The following DUXB variants were observed in gnomAD, a reference collection of about 807,000 sequenced individuals.
The protein encoded by DUXB is double homeobox protein B.
A neutral mutation model predicts 8.9 loss-of-function variants in DUXB; 22 were observed. The observed-to-expected ratio is 2.46, with a 90% CI of 1.76 to 3.52. The LOEUF (loss-of-function observed/expected upper bound fraction) is 3.52, where lower values mean the gene tolerates loss of function less well. Ranked by LOEUF, DUXB falls within the 30% of genes most tolerant of loss-of-function variation. DUXB has a pLI of 0.00. For missense variants in DUXB, 237 were observed against 108.7 expected, an observed-to-expected ratio of 2.18 and a Z score of -5.25; for synonymous variants, 84 against 37.6, an observed-to-expected ratio of 2.23 and a Z score of -4.52.
intron 2 of DUXB, among the ~76,000 whole-genome samples, chr16:75,699,158 T>C (rs184055803): frequency 6.6e-6 from 1 of 152,348 alleles, no homozygotes; most frequent in Non-Finnish European, 1.5e-5. Flanking sequence ...GGTATCTTTC[T>C]GATAACTGGA....
At chr16:75,694,894 G>A (rs2082592846) in intron 4 of DUXB, among the ~76,000 whole-genome samples, 1 of 152,172 alleles carries the variant, frequency 6.6e-6, no homozygotes. Context: ...TTTATATCAG[G>A]AACTTGAGCA....
At chr16:75,700,273 C>A in intron 1 of DUXB, 104 bp from the exon 2 acceptor site, 1 of 574,628 alleles carries the variant, frequency 1.7e-6, no homozygotes, top group Non-Finnish European at 3.1e-6. Flanking sequence ...CTCACTCTGT[C>A]GCCCAGATTG....
At position 75,694,130 on chromosome 16, in the gene DUXB, G is replaced by C. The variant is rs1304972486; in HGVS notation, c.837C>G (p.Tyr279Ter). The change falls in exon 5 of 5, where the codon TAC (tyrosine) becomes TAG (stop). Residue 279 changes from tyrosine to a stop codon, truncating the protein, a stop_gained. Transcript: ENST00000633875. LOFTEE classifies it low-confidence loss of function (END_TRUNC). The stretch of plus-strand genomic sequence containing the variant: ...CTTTGTGATTTTGGTGTTCTTCTTG[G>C]TATTGGAGCCAGAAGGGAGTCGGAG... ...LDTPTPFWLQ[Y>*]QEEHQNHKEH... 8 of 430,274 alleles carry C rather than the reference G, an allele frequency of 1.9e-5. No homozygotes were observed. Among genetic ancestry groups the C allele is most frequent in the Non-Finnish European group, 3.2e-5 (8 of 246,790 alleles). 26.7% of individuals were successfully genotyped at this position (430,274 alleles called of 1,614,324 possible).
In DUXB at chr16:75,696,900, T is replaced by C. The variant is rs2082612357; in HGVS notation, c.224A>G (p.Tyr75Cys). ...NYRVKQRKLD[Y>C]KCFSEKDQTQ... Reference sequence around the variant, plus strand: ...TTGATCTTTTTCTGAGAAGCACTTATAATCCAGTTTTCTCTGTTTTACTCT... The same window carrying C: ...TTGATCTTTTTCTGAGAAGCACTTACAATCCAGTTTTCTCTGTTTTACTCT... Residue 75 changes from tyrosine to cysteine, a missense_variant, in exon 3 of 5, where the codon TAT becomes TGT. Physicochemically the swap from Tyr to Cys is radical, Grantham distance 194 (BLOSUM62 -2). Coordinates refer to ENST00000633875, the MANE Select transcript of DUXB (RefSeq NM_001351307.2). 1 of 702,922 alleles carries C rather than the reference T, an allele frequency of 1.4e-6. No individual in the cohort carries two copies. The highest frequency in any genetic ancestry group is 2.6e-6 in the Non-Finnish European group (1 of 385,020). The allele number at this position is 702,922 out of a possible 1,614,324, so 43.5% of individuals were successfully genotyped here.
chr16:75,699,855 C>G (rs1026743192), intron 2 of DUXB, among the ~76,000 whole-genome samples, 160 bp downstream of exon 2: 6 of 152,218 alleles, frequency 3.9e-5, no homozygotes, highest in African/African-American at 1.4e-4. Flanking sequence ...GCCACCGCGC[C>G]CAGCCTTTTT....
chr16:75,694,492 T>G lies in DUXB; in HGVS notation c.475A>C (p.Lys159Gln), dbSNP rs1281571298. ...WFQKQRSLYL[K>Q]KSRMEPMNLL... is the part of the protein sequence containing the mutation. ...TTCATGGGCTCCATTCTGCTCTTCT[T>G]GAGGTACAGAGATCTTTGTTTCTGA... The change falls in exon 5 of 5, where the codon AAG becomes CAG. Residue 159 changes from lysine (K) to glutamine (Q), a missense_variant. Transcript: ENST00000633875. 3.0e-5 allele frequency: 21 copies of G among 702,978 alleles called. No homozygotes were observed. Among genetic ancestry groups the G allele is most frequent in the Non-Finnish European group, 4.7e-5 (18 of 385,026 alleles). The allele number at this position is 702,978 out of a possible 1,614,324, so 43.5% of individuals were successfully genotyped here.
chr16:75,701,323 G>T, intron 1 of DUXB, 71 bp downstream of exon 1: 1 of 398,460 alleles, frequency 2.5e-6, no homozygotes, highest in Non-Finnish European at 4.4e-6. Context: ...TATAAACTTT[G>T]ACAAACTCTG....
At position 75,694,091 on chromosome 16, in the gene DUXB, C is replaced by G; in HGVS notation, c.876G>C (p.Ser292=). The G allele has an allele frequency of 2.4e-6, 1 of 419,056 alleles. No homozygotes were observed. Among genetic ancestry groups the G allele is most frequent in the Non-Finnish European group, 4.2e-6 (1 of 239,856 alleles). 26.0% of individuals were successfully genotyped at this position (419,056 alleles called of 1,614,324 possible). A position where few individuals can be genotyped will look rare whatever the true frequency, so the allele number is the denominator to read the frequency against. The change falls in exon 5 of 5, where the codon TCG becomes TCC. Residue 292 remains serine, a synonymous_variant. Coordinates refer to ENST00000633875, the MANE Select transcript of DUXB (RefSeq NM_001351307.2). ...AATGGCTCTTGACCTGTGGTACTCC[C>G]GAGCCAGAGTGTTCTTTGTGATTTT... is the stretch of plus-strand genomic sequence containing the variant. ...EHQNHKEHSG[S]GVPQVKSHSQ...
chr16:75,699,946 A>T, intron 2 of DUXB, 69 bp downstream of exon 2: 1 of 584,854 alleles, frequency 1.7e-6, no homozygotes, highest in Non-Finnish European at 3.0e-6. Flanking sequence ...GAATTGGCAA[A>T]AGCGCTGGGC....
chr16:75,694,157 A>G lies in DUXB; in HGVS notation c.810T>C (p.Asp270=), dbSNP rs1412011204. The G allele has an allele frequency of 4.3e-6, 2 of 468,142 alleles. No homozygotes were observed. The highest frequency in any genetic ancestry group is 7.4e-6 in the Non-Finnish European group (2 of 269,508). The allele number at this position is 468,142 out of a possible 1,614,324, so 29.0% of individuals were successfully genotyped here. A position where few individuals can be genotyped will look rare whatever the true frequency, so the allele number is the denominator to read the frequency against. The stretch of plus-strand genomic sequence containing the variant: ...ATTGGAGCCAGAAGGGAGTCGGAGT[A>G]TCTAAGTCCTTTGTCAGAATTGGCA... The part of the protein sequence containing the change: ...LTLPILTKDL[D]TPTPFWLQYQ... The change falls in exon 5 of 5, where the codon GAT becomes GAC. Residue 270 remains aspartate, a synonymous_variant. Coordinates refer to ENST00000633875, the MANE Select transcript of DUXB (RefSeq NM_001351307.2).
chr16:75,698,457 T>C (rs1281733515), intron 2 of DUXB: 1 of 152,216 alleles, frequency 6.6e-6, no homozygotes, highest in African/African-American at 2.4e-5. Flanking sequence ...TTTCACTTGG[T>C]CTTCATTGGT....
In DUXB at chr16:75,694,369, A is replaced by C. The variant is rs1248166604; in HGVS notation, c.598T>G (p.Cys200Gly). ...TCATGCCCGCTGGAAGAATGTGAGC[A>C]AGAAAAATAATGAGAGCTGTCTGTG... ...LPTDSSHYFS[C>G]SHSSSGHETL... is the part of the protein sequence containing the mutation. Residue 200 changes from cysteine to glycine, a missense_variant, in exon 5 of 5, where the codon TGC (cysteine) becomes GGC (glycine). Physicochemically the swap from Cys to Gly is radical, Grantham distance 159 (BLOSUM62 -3). Transcript: ENST00000633875. 1 of 670,292 alleles carries C rather than the reference A, an allele frequency of 1.5e-6. No individual in the cohort carries two copies. The highest frequency in any genetic ancestry group is 2.7e-6 in the Non-Finnish European group (1 of 373,250). 41.5% of individuals were successfully genotyped at this position (670,292 alleles called of 1,614,324 possible). A position where few individuals can be genotyped will look rare whatever the true frequency, so the allele number is the denominator to read the frequency against.
intron 4 of DUXB, 53 bp from the exon 5 acceptor site, chr16:75,694,578 C>G (rs2082590515): frequency 1.4e-6 from 1 of 701,464 alleles, no homozygotes; most frequent in Non-Finnish European, 2.6e-6. Flanking sequence ...AATTGTAACT[C>G]TGCATCAGAT....
rs575831601 is a variant in DUXB, at chr16:75,699,024, T to A, written c.180+991A>T. On this transcript the variant is annotated intron_variant, in intron 2 of 4. Coordinates refer to ENST00000633875, the MANE Select transcript of DUXB (RefSeq NM_001351307.2). ...AACCCAGCAAATTAAAATACATGTT[T>A]TTGGAGAGATGGGGTTTTACTGTGT... 2.7e-3 allele frequency among the ~76,000 whole-genome samples: 405 copies of A among 152,144 alleles called. 1 individual carries two copies. Among genetic ancestry groups the A allele is most frequent in the Non-Finnish European group, 4.6e-3 (313 of 68,012 alleles).
chr16:75,696,691 C>T lies in DUXB; in HGVS notation c.286+147G>A, dbSNP rs767268680. 452 of 582,788 alleles carry T rather than the reference C, an allele frequency of 7.8e-4. 2 individuals carry two copies. Among genetic ancestry groups the T allele is most frequent in the Admixed American group, 2.1e-3 (65 of 30,628 alleles). 36.1% of individuals were successfully genotyped at this position (582,788 alleles called of 1,614,324 possible). A position where few individuals can be genotyped will look rare whatever the true frequency, so the allele number is the denominator to read the frequency against. On this transcript the variant is annotated intron_variant, in intron 3 of 4. Coordinates refer to ENST00000633875, the MANE Select transcript of DUXB (RefSeq NM_001351307.2). ...TTTATTTACTTCTATAACAAACTTA[C>T]TTTCACCTAAAAAAAATGTAGGATA...
chr16:75,693,972 T>G lies in DUXB; in HGVS notation c.995A>C (p.Gln332Pro). 1 of 401,012 alleles carries G rather than the reference T, an allele frequency of 2.5e-6. No homozygotes were observed. 24.8% of individuals were successfully genotyped at this position (401,012 alleles called of 1,614,324 possible). The change falls in exon 5 of 5, where the codon CAG (glutamine) becomes CCG (proline). Residue 332 changes from glutamine to proline, a missense_variant. By Grantham distance (76) the Gln-to-Pro change is moderately conservative. Coordinates refer to ENST00000633875, the MANE Select transcript of DUXB (RefSeq NM_001351307.2). ...NILQRWDEIC[Q>P]ALLAEWDPLK... ...AGGGTCCCATTCAGCAAGCAGAGCC[T>G]GGCAGATCTCGTCCCACCTTTGCAA...
At chr16:75,697,725 G>C (rs2082620048) in intron 2 of DUXB, among the ~76,000 whole-genome samples, 2 of 152,210 alleles carry the variant, frequency 1.3e-5, no homozygotes, top group Non-Finnish European at 2.9e-5. Context: ...CGGGCCACAG[G>C]CAGTCCATGG....
At chr16:75,701,325 C>G (rs754085420) in intron 1 of DUXB, 69 bp downstream of exon 1, 5 of 398,402 alleles carry the variant, frequency 1.3e-5, no homozygotes, top group African/African-American at 4.1e-5. Context: ...TAAACTTTGA[C>G]AAACTCTGAA....
chr16:75,696,261 C>T lies in DUXB; in HGVS notation c.287-146G>A, dbSNP rs186517903. 2.1e-5 allele frequency: 13 copies of T among 614,278 alleles called. No individual in the cohort carries two copies. The African/African-American group carries it at 2.2e-4, about 10-fold the overall frequency. The allele number at this position is 614,278 out of a possible 1,614,324, so 38.1% of individuals were successfully genotyped here. A position where few individuals can be genotyped will look rare whatever the true frequency, so the allele number is the denominator to read the frequency against. On this transcript the variant is annotated intron_variant, in intron 3 of 4. Transcript: ENST00000633875. ...TTGCTCTGCAGCAGGACCAAAAAGC[C>T]CAGAGCTAGGCTGGGCCCAGTGGCT...
Sources: allele counts gnomAD v4.1 joint callset (sites outside exome capture counted in the v4.1 genomes callset), GRCh38; gene constraint gnomAD v4.1.1; transcripts MANE v1.5; gene names NCBI Gene and HGNC (gene_info 2026-07-23, HGNC 2026-07-21).